The following KDM1A variants were observed in gnomAD, a reference collection of about 807,000 sequenced individuals.
The protein encoded by KDM1A is lysine demethylase 1A, also known as lysine-specific histone demethylase 1A.
KDM1A carries 49 observed loss-of-function variants against 109.4 expected under a neutral mutation model. That is an observed-to-expected ratio of 0.45 (90% confidence interval 0.36 to 0.57). KDM1A has a LOEUF of 0.57. KDM1A is among the 20% of genes least tolerant of loss of function. KDM1A has a pLI of 0.00. For missense variants in KDM1A, 668 were observed against 1,116.6 expected (o/e 0.60, Z 5.73); for synonymous variants, 380 against 415.4 (o/e 0.91, Z 1.04).
At chr1:23,082,142 C>T in intron 19 of KDM1A, 78 bp from the exon 20 acceptor site, 1 of 1,498,884 alleles carries the variant, frequency 6.7e-7, no homozygotes, top group East Asian at 2.3e-5. Context: ...TCTCCACCCA[C>T]CACTGCTTTT....
chr1:23,021,423 A>C (rs1284321666), intron 1 of KDM1A, among the ~76,000 whole-genome samples: 1 of 152,204 alleles, frequency 6.6e-6, no homozygotes, highest in African/African-American at 2.4e-5. Flanking sequence ...GCACTTTGGG[A>C]GGCCAAGGCG....
intron 2 of KDM1A, among the ~76,000 whole-genome samples, chr1:23,042,440 ATTTTTTT>A (rs769149894): frequency 1.4e-4 from 3 of 21,560 alleles, no homozygotes; most frequent in Admixed American, 6.0e-4. Flanking sequence ...GAAATATATT[ATTTTTTT>A]TTTTTTTTTT....
chr1:23,030,125 T>C (rs1248918420), intron 1 of KDM1A, among the ~76,000 whole-genome samples: 1 of 152,260 alleles, frequency 6.6e-6, no homozygotes, highest in Admixed American at 6.5e-5. Flanking sequence ...TATTTTTGTC[T>C]GAGGGTCATT....
chr1:23,030,322 C>A (rs1008805478), intron 1 of KDM1A, 147 bp from the exon 2 acceptor site: 34 of 490,852 alleles, frequency 6.9e-5, no homozygotes, highest in Non-Finnish European at 1.0e-4. Context: ...TAATAACTAC[C>A]TATTATGAGC....
chr1:23,059,332 T>C, intron 9 of KDM1A, 165 bp downstream of exon 9: 1 of 707,072 alleles, frequency 1.4e-6, no homozygotes, highest in Non-Finnish European at 2.6e-6. Context: ...GTTTCTTAAC[T>C]CTTGAGCTAT....
intron 12 of KDM1A, among the ~76,000 whole-genome samples, chr1:23,069,534 T>G (rs913184338): frequency 2.6e-5 from 4 of 152,232 alleles, no homozygotes; most frequent in African/African-American, 9.6e-5. Flanking sequence ...TTCAGTGTTT[T>G]GAGAAAATTT....
chr1:23,038,687 G>A (rs1308762282), intron 2 of KDM1A, among the ~76,000 whole-genome samples: 1 of 152,102 alleles, frequency 6.6e-6, no homozygotes. Context: ...ACTTTCTTTT[G>A]ATAAGATCCT....
rs1204504929 is a variant in KDM1A at position 23,079,238 on chromosome 1, T to A, written c.2055+61T>A. 6.5e-7 allele frequency: 1 copy of A among 1,541,808 alleles called. No individual in the cohort carries two copies. The highest frequency in any genetic ancestry group is 8.8e-7 in the Non-Finnish European group (1 of 1,133,624). On this transcript the variant is annotated intron_variant, in intron 17 of 20. Transcript: ENST00000400181. This position sits in a 1 kb window ranked among gnomAD's most constrained non-coding sequence, Gnocchi z 5.6. ...ATGTACAAATAGCAGTCTTCGTTGT[T>A]TACTTGGTGAGGAGGTGGCCTTGCA...
chr1:23,029,977 A>G (rs896254960), intron 1 of KDM1A, among the ~76,000 whole-genome samples: 1 of 152,166 alleles, frequency 6.6e-6, no homozygotes, highest in Non-Finnish European at 1.5e-5. Flanking sequence ...GCACCTTTTC[A>G]TAGTTTCAGT....
intron 4 of KDM1A, among the ~76,000 whole-genome samples, chr1:23,053,349 G>T (rs376373714): frequency 2.6e-5 from 4 of 152,126 alleles, no homozygotes; most frequent in East Asian, 1.9e-4. Context: ...GAAAGCCCAT[G>T]TTTGGGGCCT....
intron 3 of KDM1A, among the ~76,000 whole-genome samples, chr1:23,048,233 T>G (rs72657818): frequency 1.9e-4 from 29 of 152,142 alleles, no homozygotes; most frequent in Non-Finnish European, 3.2e-4. Context: ...GAGTTATTTT[T>G]AGTCTTGGTG....
Position 23,034,398 on chromosome 1 carries a change from G to A in KDM1A, c.517+3764G>A, listed in dbSNP as rs147443545. 4.9e-3 allele frequency among the ~76,000 whole-genome samples: 752 copies of A among 152,308 alleles called. 4 individuals carry two copies. The highest frequency in any genetic ancestry group is 0.017 in the African/African-American group (720 of 41,558). On this transcript the variant is annotated intron_variant, in intron 2 of 20. Coordinates refer to ENST00000400181, the MANE Select transcript of KDM1A (RefSeq NM_001009999.3). ...ACTAGCAGCGTCACATAATAGTGGA[G>A]CGTTTATGAAATAGAGTCAAATCTC...
chr1:23,029,765 G>C (rs6659638), intron 1 of KDM1A, among the ~76,000 whole-genome samples: 6,062 of 152,012 alleles, frequency 0.04, 411 homozygotes, highest in African/African-American at 0.14. Context: ...TCAGCCTCCC[G>C]AGTAGCTGGG....
chr1:23,019,582 G>A lies in KDM1A; in HGVS notation c.-15G>A, dbSNP rs770689674. 5.7e-6 allele frequency: 8 copies of A among 1,399,048 alleles called. No individual in the cohort carries two copies. The highest frequency in any genetic ancestry group is 5.5e-6 in the Non-Finnish European group (6 of 1,085,498). 86.7% of individuals were successfully genotyped at this position (1,399,048 alleles called of 1,614,324 possible). ...CGAGCGGCCCCTACGGCCGTCGGCG[G>A]CCCGGCGGCCCGAGATGTTATCTGG... On this transcript the variant is annotated 5_prime_UTR_variant, in exon 1 of 21. Transcript: ENST00000400181.
chr1:23,066,185 T>C, intron 10 of KDM1A, 114 bp downstream of exon 10: 1 of 747,866 alleles, frequency 1.3e-6, no homozygotes, highest in South Asian at 1.7e-5. Flanking sequence ...ACATTCACAC[T>C]GGTTTGTTGT....
Position 23,050,400 on chromosome 1 carries a change from A to C in KDM1A, c.591A>C (p.Ala197=), listed in dbSNP as rs1240295517. The C allele has an allele frequency of 3.1e-6, 5 of 1,610,586 alleles. No individual in the cohort carries two copies. In the African/African-American group the frequency reaches 6.7e-5, roughly 22 times the overall value. The change falls in exon 4 of 21, where the codon GCA becomes GCC. Residue 197 remains alanine (A), a synonymous_variant. Coordinates refer to ENST00000400181, the MANE Select transcript of KDM1A (RefSeq NM_001009999.3). ...TTTCTTCGTTAGGTGTGGAGGGCGCAGCTTTCCAGAGCCGACTTCCTCATG... is the reference window on the plus strand; with the variant it reads ...TTTCTTCGTTAGGTGTGGAGGGCGCCGCTTTCCAGAGCCGACTTCCTCATG... ...GDGQASGVEG[A]AFQSRLPHDR... is the part of the protein sequence containing the mutation.
At chr1:23,047,959 G>T (rs569288711) in intron 3 of KDM1A, among the ~76,000 whole-genome samples, 181 of 151,912 alleles carry the variant, frequency 1.2e-3, no homozygotes, top group Non-Finnish European at 2.2e-3. Flanking sequence ...ATAAAATTTG[G>T]TATTTTATCC....
intron 16 of KDM1A, 128 bp from the exon 17 acceptor site, chr1:23,078,862 A>G (rs549515939): frequency 1.6e-5 from 14 of 857,246 alleles, no homozygotes; most frequent in Non-Finnish European, 2.6e-5. Context: ...TATGTGAAAC[A>G]TGAAGGTAAT....
rs1338418314 is a variant in KDM1A, at chr1:23,042,578, A to C, written c.518-1849A>C. ...CGCCATTCTCCTGCCTCAGCCTCCG[A>C]AGTAGCTGGGACTACAGGCGCCCGC... On this transcript the variant is annotated intron_variant, in intron 2 of 20. Transcript: ENST00000400181. 4.1e-5 allele frequency among the ~76,000 whole-genome samples: 6 copies of C among 144,640 alleles called. No homozygotes were observed. The South Asian group carries it at 1.3e-3, about 32-fold the overall frequency. 94.9% of individuals were successfully genotyped at this position (144,640 alleles called of 152,430 possible).
Sources: gnomAD v4.1 joint callset for allele counts (sites outside exome capture counted in the v4.1 genomes callset) on GRCh38, gnomAD v4.1.1 for gene constraint, Gnocchi (gnomAD v3.1) non-coding constraint, MANE v1.5 for transcripts, NCBI Gene and HGNC (gene_info 2026-07-23, HGNC 2026-07-21) for gene names.